Variants in SLC33A2 observed in about 807,000 individuals in gnomAD.
The protein encoded by SLC33A2 is solute carrier family 33 member 2.
the SLC33A2 span, chr8:144,509,929 G>A: frequency 6.3e-7 from 1 of 1,582,644 alleles, no homozygotes; most frequent in Non-Finnish European, 8.5e-7. Context: ...TCCGAGCAGC[G>A]TCCCCACACC....
chr8:144,511,138 G>C, the SLC33A2 span: 5 of 1,610,526 alleles, frequency 3.1e-6, no homozygotes, highest in Non-Finnish European at 4.2e-6. Flanking sequence ...TCTGTACCTG[G>C]ACCTAGCACC....
At chr8:144,510,474 C>T in the SLC33A2 span, 37 of 1,612,690 alleles carry the variant, frequency 2.3e-5, no homozygotes, top group African/African-American at 3.9e-4. Context: ...ATCGCTGGCT[C>T]CTCCCTGGGT....
Sources: allele counts gnomAD v4.1 joint callset, GRCh38; gene constraint gnomAD v4.1.1; transcripts MANE v1.5; gene names NCBI Gene and HGNC (gene_info 2026-07-23, HGNC 2026-07-21).